The following CNTNAP3B variants were observed in gnomAD, a reference collection of about 807,000 sequenced individuals.
The protein encoded by CNTNAP3B is contactin-associated protein-like 3B.
In CNTNAP3B, 25 loss-of-function variants were observed where a neutral mutation model predicts 108.9. That is an observed-to-expected ratio of 0.23 (90% CI 0.17 to 0.32). The LOEUF (loss-of-function observed/expected upper bound fraction) is 0.32, where lower values mean the gene tolerates loss of function less well. CNTNAP3B is among the 10% of genes least tolerant of loss of function. The pLI is 1.00. For missense variants in CNTNAP3B, 252 were observed against 1,210.4 expected, an observed-to-expected ratio of 0.21 and a Z score of 11.75; for synonymous variants, 103 against 473.4, an observed-to-expected ratio of 0.22 and a Z score of 10.16.
chr9:42,119,984 T>A (rs1047949198), intron 1 of CNTNAP3B, among the ~76,000 whole-genome samples: 1 of 144,034 alleles, frequency 6.9e-6, no homozygotes, highest in Admixed American at 6.9e-5. Flanking sequence ...TGGGATCTAA[T>A]TAAACTAAAG....
At chr9:42,084,598 ACCCCCT>A (rs1827666861) in intron 2 of CNTNAP3B, among the ~76,000 whole-genome samples, 1 of 29,594 alleles carries the variant, frequency 3.4e-5, no homozygotes. Context: ...CCCCTAGTCC[ACCCCCT>A]AAAAAAAAAG....
intron 1 of CNTNAP3B, among the ~76,000 whole-genome samples, chr9:42,121,817 G>A (rs972102213): frequency 1.4e-5 from 2 of 140,528 alleles, no homozygotes; most frequent in African/African-American, 5.6e-5. Context: ...CAAGTACACT[G>A]TGAAGAACCG....
In CNTNAP3B at chr9:42,109,568, G is replaced by A. The variant is rs539718213; in HGVS notation, c.86-4829C>T. On this transcript the variant is annotated intron_variant, in intron 1 of 23. Coordinates refer to ENST00000377561, the MANE Select transcript of CNTNAP3B (RefSeq NM_001201380.3). ...GGGAGGAGCTTTACATTCAAATGAG[G>A]ACACCTCCTGGCATCTCCAGATGGA... Among the ~76,000 whole-genome samples the A allele has an allele frequency of 4.3e-3, 631 of 145,854 alleles. 9 individuals carry two copies. Among genetic ancestry groups the A allele is most frequent in the African/African-American group, 0.016 (612 of 37,742 alleles).
intron 15 of CNTNAP3B, among the ~76,000 whole-genome samples, chr9:41,924,865 T>A (rs1237948867): frequency 6.6e-6 from 1 of 152,284 alleles, no homozygotes; most frequent in Non-Finnish European, 1.5e-5. Context: ...TACTTTTGAC[T>A]TTTTGGTATT....
At chr9:41,969,116 T>C (rs1447420162) in intron 10 of CNTNAP3B, among the ~76,000 whole-genome samples, 2 of 152,250 alleles carry the variant, frequency 1.3e-5, no homozygotes, top group East Asian at 3.8e-4. Flanking sequence ...TTTTCAATTT[T>C]TAAATCTGTA....
At chr9:41,945,627 G>A (rs1448359863) in intron 13 of CNTNAP3B, among the ~76,000 whole-genome samples, 12 of 152,388 alleles carry the variant, frequency 7.9e-5, no homozygotes, top group African/African-American at 2.4e-4. Context: ...GGGGTGTGGG[G>A]AGAGGGGAGG....
chr9:41,925,056 C>T (rs1403584473), intron 15 of CNTNAP3B, among the ~76,000 whole-genome samples: 1 of 152,014 alleles, frequency 6.6e-6, no homozygotes, highest in Non-Finnish European at 1.5e-5. Flanking sequence ...TTTCAACTGC[C>T]TTGTAAAGTG....
At chr9:42,037,352 G>A (rs1380658439) in intron 3 of CNTNAP3B, among the ~76,000 whole-genome samples, 1 of 118,396 alleles carries the variant, frequency 8.4e-6, no homozygotes, top group Non-Finnish European at 1.8e-5. Context: ...GAGGATGTTC[G>A]AACCCACTGC....
chr9:42,126,967 G>A (rs1564202747), intron 1 of CNTNAP3B, among the ~76,000 whole-genome samples: 1 of 138,792 alleles, frequency 7.2e-6, no homozygotes, highest in Non-Finnish European at 1.5e-5. Flanking sequence ...TGTGAATAAC[G>A]TGAGCAACTC....
rs1359961162 is a variant in CNTNAP3B, at chr9:41,921,784, G to A, written c.2755+893C>T. 2.1e-4 allele frequency among the ~76,000 whole-genome samples: 31 copies of A among 151,062 alleles called. No homozygotes were observed. The East Asian group carries it at 4.3e-3, about 21-fold the overall frequency. On this transcript the variant is annotated intron_variant, in intron 17 of 23. Transcript: ENST00000377561. ...TATAAACAAGGAGCCTGTGATGAGA[G>A]AGCCCCAGAAGTGAGAACAGCAGCG...
rs1466805094 is a variant in CNTNAP3B at position 42,046,807 on chromosome 9, G to C, written c.390+30062C>G. Among the ~76,000 whole-genome samples, 2 of 95,796 alleles carry C rather than the reference G, an allele frequency of 2.1e-5. 1 individual carries two copies. The highest frequency in any genetic ancestry group is 2.1e-4 in the Admixed American group (2 of 9,352). 62.8% of individuals were successfully genotyped at this position (95,796 alleles called of 152,430 possible). A position where few individuals can be genotyped will look rare whatever the true frequency, so the allele number is the denominator to read the frequency against. On this transcript the variant is annotated intron_variant, in intron 3 of 23. Transcript: ENST00000377561. ...AAAATAGGTAATAATGGAAGAAAAT[G>C]CATTGGGTGGGGGGCTCTAACTACG...
chr9:41,924,737 C>T (rs1484268471), intron 15 of CNTNAP3B, among the ~76,000 whole-genome samples: 1 of 152,056 alleles, frequency 6.6e-6, no homozygotes, highest in Non-Finnish European at 1.5e-5. Context: ...CAAGAAGAAG[C>T]TTATTTGTTC....
At position 41,924,680 on chromosome 9, in the gene CNTNAP3B, C is replaced by CACAT. The variant is rs1823763691; in HGVS notation, c.2366-588_2366-587insATGT. On this transcript the variant is annotated intron_variant, in intron 15 of 23. Coordinates refer to ENST00000377561, the MANE Select transcript of CNTNAP3B (RefSeq NM_001201380.3). ...ACACACACACACACACACACACACACACACACACACAGTCTTAATTCCTTT... is the reference window on the plus strand; with the variant it reads ...ACACACACACACACACACACACACACACATACACACACACAGTCTTAATTCCTTT... 2.8e-4 allele frequency among the ~76,000 whole-genome samples: 40 copies of CACAT among 145,294 alleles called. No individual in the cohort carries two copies. The East Asian group carries it at 2.8e-3, about 10-fold the overall frequency.
chr9:41,961,804 C>G (rs1373609609), intron 11 of CNTNAP3B, among the ~76,000 whole-genome samples: 409 of 151,912 alleles, frequency 2.7e-3, no homozygotes, highest in African/African-American at 9.6e-3. Flanking sequence ...TAAATTTACT[C>G]TAGCATAATT....
intron 14 of CNTNAP3B, among the ~76,000 whole-genome samples, chr9:41,934,648 A>T (rs1232397083): frequency 3.3e-3 from 496 of 152,222 alleles, no homozygotes; most frequent in African/African-American, 0.012. Context: ...TTTGTCTGAC[A>T]TAATACAGCT....
At chr9:41,957,958 T>C (rs1325524257) in intron 12 of CNTNAP3B, among the ~76,000 whole-genome samples, 1 of 152,236 alleles carries the variant, frequency 6.6e-6, no homozygotes, top group African/African-American at 2.4e-5. Flanking sequence ...GAGACAGGGT[T>C]TCACAGTGTT....
Position 42,125,914 on chromosome 9 carries a change from A to T in CNTNAP3B, c.85+3096T>A, listed in dbSNP as rs377704438. 2.1e-4 allele frequency among the ~76,000 whole-genome samples: 27 copies of T among 131,190 alleles called. 2 individuals carry two copies. The highest frequency in any genetic ancestry group is 3.5e-3 in the Middle Eastern group (1 of 282). 86.1% of individuals were successfully genotyped at this position (131,190 alleles called of 152,430 possible). ...ATTACAGCTGTGAGCCACCGTGCCC[A>T]GCCTGAACTCCATTTTTTATAGAGT... On this transcript the variant is annotated intron_variant, in intron 1 of 23. Coordinates refer to ENST00000377561, the MANE Select transcript of CNTNAP3B (RefSeq NM_001201380.3).
intron 1 of CNTNAP3B, among the ~76,000 whole-genome samples, chr9:42,111,011 A>AT (rs1444779482): frequency 3.6e-5 from 5 of 138,828 alleles, no homozygotes; most frequent in Non-Finnish European, 7.7e-5. Flanking sequence ...TCTCCATTCG[A>AT]TTATCTTCAG....
rs1381914067 is a variant in CNTNAP3B at position 42,063,165 on chromosome 9, T to C, written c.390+13704A>G. On this transcript the variant is annotated intron_variant, in intron 3 of 23. Transcript: ENST00000377561. ...CTTTCTTATGTTTCTGTGTTACTAATTAACATCCTTTTCTTTCAGCCCGAA... is the reference window on the plus strand; with the variant it reads ...CTTTCTTATGTTTCTGTGTTACTAACTAACATCCTTTTCTTTCAGCCCGAA... Among the ~76,000 whole-genome samples, 6 of 127,454 alleles carry C rather than the reference T, an allele frequency of 4.7e-5. 2 individuals carry two copies. The highest frequency in any genetic ancestry group is 6.6e-5 in the Non-Finnish European group (4 of 60,610). The allele number at this position is 127,454 out of a possible 152,430, so 83.6% of individuals were successfully genotyped here.
Sources: allele counts gnomAD v4.1 joint callset (sites outside exome capture counted in the v4.1 genomes callset), GRCh38; gene constraint gnomAD v4.1.1; transcripts MANE v1.5; gene names NCBI Gene and HGNC (gene_info 2026-07-23, HGNC 2026-07-21).